MAPK10: variants seen among roughly 807,000 people sequenced by gnomAD.
MAPK10 encodes the protein mitogen-activated protein kinase 10.
Under a neutral mutation model 59.3 loss-of-function variants are expected in MAPK10, and 25 were observed. The observed-to-expected ratio is 0.42, with a 90% CI of 0.31 to 0.59. The LOEUF (loss-of-function observed/expected upper bound fraction) is 0.59. MAPK10 is among the 20% of genes least tolerant of loss of function. The pLI is 0.15. For synonymous variants in MAPK10, 190 were observed against 200.5 expected, an observed-to-expected ratio of 0.95 and a Z score of 0.44; for missense variants, 351 against 568.9, an observed-to-expected ratio of 0.62 and a Z score of 3.90.
At chr4:86,400,985 G>C (rs900344608) in intron 1 of MAPK10, among the ~76,000 whole-genome samples, 1 of 152,040 alleles carries the variant, frequency 6.6e-6, no homozygotes, top group African/African-American at 2.4e-5. Context: ...TGGGTCACGA[G>C]GTCAATTTTC....
intron 1 of MAPK10, among the ~76,000 whole-genome samples, chr4:86,502,335 T>A (rs891584394): frequency 1.3e-5 from 2 of 152,086 alleles, no homozygotes; most frequent in East Asian, 3.9e-4. Flanking sequence ...TCCTGAAGTA[T>A]CTTCATGAAT....
intron 2 of MAPK10, among the ~76,000 whole-genome samples, chr4:86,238,235 T>C (rs2092432562): frequency 6.6e-6 from 1 of 152,174 alleles, no homozygotes. Context: ...ACCATACTGT[T>C]TTGGTTACTG....
At chr4:86,025,886 A>G (rs1749923103) in intron 13 of MAPK10, among the ~76,000 whole-genome samples, 1 of 152,226 alleles carries the variant, frequency 6.6e-6, no homozygotes, top group African/African-American at 2.4e-5. Flanking sequence ...CCCAACAACA[A>G]CAAAAAAATA....
chr4:86,332,152 C>T (rs2096169628), intron 2 of MAPK10, among the ~76,000 whole-genome samples: 1 of 152,016 alleles, frequency 6.6e-6, no homozygotes. Context: ...TATTTCAACA[C>T]ACACAAACTA....
rs372346738 is a variant in MAPK10, at chr4:86,145,736, GTC to G, written c.236+13560_236+13561del. ...TATTTCTGTGTATCTTTCTTCTTCT[GTC>G]TCTCTGTCTCATTCTCCTCTTTTAC... On this transcript the variant is annotated intron_variant, in intron 4 of 13. Transcript: ENST00000641462. 5.7e-4 allele frequency among the ~76,000 whole-genome samples: 87 copies of G among 151,842 alleles called. No homozygotes were observed. In the Middle Eastern group the frequency reaches 0.01, roughly 18 times the overall value.
chr4:86,412,546 G>A (rs186480200), intron 1 of MAPK10, among the ~76,000 whole-genome samples: 54 of 152,204 alleles, frequency 3.5e-4, no homozygotes, highest in African/African-American at 1.2e-3. Context: ...CCAATCAAAC[G>A]TAGATTTAGT....
At chr4:86,215,992 G>A (rs555128816) in intron 2 of MAPK10, among the ~76,000 whole-genome samples, 1 of 152,172 alleles carries the variant, frequency 6.6e-6, no homozygotes, top group Admixed American at 6.5e-5. Context: ...AATGTGGAGA[G>A]ATATGAACCC....
chr4:86,376,300 T>C (rs988657769), intron 1 of MAPK10, among the ~76,000 whole-genome samples: 2 of 152,220 alleles, frequency 1.3e-5, no homozygotes, highest in African/African-American at 4.8e-5. Flanking sequence ...AGTAAGTCCT[T>C]ATTTTAGCTA....
intron 2 of MAPK10, among the ~76,000 whole-genome samples, chr4:86,235,516 A>G (rs1381889198): frequency 1.3e-5 from 2 of 152,332 alleles, no homozygotes; most frequent in Admixed American, 1.3e-4. Context: ...TTATATTTCA[A>G]TAAATTTAAT....
chr4:86,216,457 C>T (rs935143761), intron 2 of MAPK10, among the ~76,000 whole-genome samples: 4 of 151,396 alleles, frequency 2.6e-5, no homozygotes, highest in African/African-American at 9.7e-5. Context: ...GTGAAGATGG[C>T]AAATTTTATG....
intron 11 of MAPK10, among the ~76,000 whole-genome samples, chr4:86,048,421 C>G (rs2042917099): frequency 6.6e-6 from 1 of 151,938 alleles, no homozygotes; most frequent in African/African-American, 2.4e-5. Context: ...CACATTAGCC[C>G]CAAGGATATT....
chr4:86,544,050 T>C (rs763985125), intron 1 of MAPK10, among the ~76,000 whole-genome samples: 9 of 152,142 alleles, frequency 5.9e-5, no homozygotes, highest in African/African-American at 7.2e-5. Flanking sequence ...TTGTCCAATA[T>C]AGTGTTGCTC....
chr4:86,155,443 A>G (rs1562421775), intron 4 of MAPK10, among the ~76,000 whole-genome samples: 1 of 151,806 alleles, frequency 6.6e-6, no homozygotes, highest in East Asian at 1.9e-4. Flanking sequence ...ATATGTATGT[A>G]TATATAATAT....
At position 86,492,338 on chromosome 4, in the gene MAPK10, T is replaced by C. The variant is rs183077585; in HGVS notation, c.-263+101572A>G. Among the ~76,000 whole-genome samples, 1,295 of 152,304 alleles carry C rather than the reference T, an allele frequency of 8.5e-3. 15 individuals are homozygous for C. Among genetic ancestry groups the C allele is most frequent in the Non-Finnish European group, 9.2e-3 (626 of 68,022 alleles). On this transcript the variant is annotated intron_variant, in intron 1 of 4. Transcript: ENST00000502302. ...AGGAGCTGTGGACAATTCTTTCTGTTCTCCTTTTCCCTTCCCTAAGTAAAT... is the reference window on the plus strand; with the variant it reads ...AGGAGCTGTGGACAATTCTTTCTGTCCTCCTTTTCCCTTCCCTAAGTAAAT...
At chr4:86,473,535 T>C (rs938012200) in intron 1 of MAPK10, among the ~76,000 whole-genome samples, 5 of 152,218 alleles carry the variant, frequency 3.3e-5, no homozygotes, top group African/African-American at 1.2e-4. Context: ...GTCTCTCTCT[T>C]CCTCCAGCCC....
chr4:86,256,722 TTTTCTTTC>T (rs201039112), intron 2 of MAPK10, among the ~76,000 whole-genome samples: 2,822 of 132,786 alleles, frequency 0.021, 187 homozygotes, highest in African/African-American at 0.064. Flanking sequence ...CATTTTTTTC[TTTTCTTTC>T]TTTCTTTTTT....
At chr4:86,508,588 G>A (rs960058687) in intron 1 of MAPK10, among the ~76,000 whole-genome samples, 2 of 152,084 alleles carry the variant, frequency 1.3e-5, no homozygotes, top group African/African-American at 4.8e-5. Context: ...TGCATGGCTG[G>A]GTTAAAAATT....
chr4:86,316,399 C>T (rs974917843), intron 2 of MAPK10, among the ~76,000 whole-genome samples: 1 of 152,056 alleles, frequency 6.6e-6, no homozygotes, highest in African/African-American at 2.4e-5. Context: ...GACATATAAA[C>T]ATAAATCTGA....
chr4:86,473,540 C>T (rs1055099263), intron 1 of MAPK10, among the ~76,000 whole-genome samples: 1 of 152,200 alleles, frequency 6.6e-6, no homozygotes, highest in Non-Finnish European at 1.5e-5. Flanking sequence ...TCTCTTCCTC[C>T]AGCCCCAGCC....
Sources: allele counts gnomAD v4.1 joint callset (sites outside exome capture counted in the v4.1 genomes callset), GRCh38; gene constraint gnomAD v4.1.1; transcripts MANE v1.5; gene names NCBI Gene and HGNC (gene_info 2026-07-23, HGNC 2026-07-21).